Variants in NAALADL2 observed in about 807,000 individuals in gnomAD.
NAALADL2 encodes inactive N-acetylated-alpha-linked acidic dipeptidase-like protein 2.
Under a neutral mutation model 87.2 loss-of-function variants are expected in NAALADL2, and 76 were observed. The ratio of observed to expected loss-of-function variants is 0.87; its 90% CI spans 0.72 to 1.05. The LOEUF (loss-of-function observed/expected upper bound fraction) is 1.05, where lower values mean the gene tolerates loss of function less well. Among genes scored for constraint, NAALADL2 ranks in the 50% least tolerant of loss-of-function variants. The pLI, the probability that NAALADL2 is intolerant of heterozygous loss-of-function variation, is 0.00. For missense variants in NAALADL2, 1,089 were observed against 945.8 expected (o/e 1.15, Z -1.99); for synonymous variants, 354 against 331.0 (o/e 1.07, Z -0.75).
intron 11 of NAALADL2, among the ~76,000 whole-genome samples, chr3:175,736,136 G>A (rs142547711): frequency 1.1e-3 from 168 of 152,302 alleles, no homozygotes; most frequent in Admixed American, 2.3e-3. Context: ...TTTGAGATGT[G>A]TATGAATGCA....
chr3:175,410,585 G>A (rs987428344), intron 5 of NAALADL2, among the ~76,000 whole-genome samples: 3 of 132,602 alleles, frequency 2.3e-5, no homozygotes, highest in African/African-American at 8.6e-5. Context: ...CTCTTACAGA[G>A]CTTCTAGTCT....
At chr3:175,687,429 T>C (rs1736444283) in intron 11 of NAALADL2, among the ~76,000 whole-genome samples, 2 of 152,116 alleles carry the variant, frequency 1.3e-5, no homozygotes, top group Admixed American at 1.3e-4. Context: ...ATGCATAGCT[T>C]TATGAGTAGA....
intron 1 of NAALADL2, among the ~76,000 whole-genome samples, chr3:174,524,575 G>A (rs567859723): frequency 3.3e-5 from 5 of 152,014 alleles, no homozygotes; most frequent in African/African-American, 9.6e-5. Flanking sequence ...GACAGAGTCC[G>A]GCTCTGTTGT....
At chr3:174,524,487 C>T (rs6792617) in intron 1 of NAALADL2, among the ~76,000 whole-genome samples, 6,498 of 152,160 alleles carry the variant, frequency 0.043, 450 homozygotes, top group African/African-American at 0.15. Flanking sequence ...TGTCTTAATA[C>T]ACCTTATGTA....
intron 10 of NAALADL2, among the ~76,000 whole-genome samples, chr3:175,625,693 A>G (rs9846894): frequency 0.74 from 112,919 of 151,772 alleles, 42,603 homozygotes; most frequent in East Asian, 0.88. Context: ...CCGTAGCCTC[A>G]AATAAACCTG....
At chr3:175,778,884 T>C (rs1750629953) in intron 13 of NAALADL2, among the ~76,000 whole-genome samples, 1 of 152,206 alleles carries the variant, frequency 6.6e-6, no homozygotes. Flanking sequence ...GAATTAAATT[T>C]ACCTAAGGCA....
At chr3:174,494,341 A>C (rs950383533) in intron 1 of NAALADL2, among the ~76,000 whole-genome samples, 1 of 152,122 alleles carries the variant, frequency 6.6e-6, no homozygotes, top group Non-Finnish European at 1.5e-5. Flanking sequence ...CATATTAAGG[A>C]AAAACTGTAA....
intron 2 of NAALADL2, chr3:175,218,101 T>C: frequency 4.5e-6 from 2 of 444,086 alleles, no homozygotes; most frequent in South Asian, 3.3e-5. Context: ...ACTGGATGAA[T>C]GGTGTGGCTT....
rs763089218 is a variant in NAALADL2 at position 175,466,998 on chromosome 3, C to A, written c.1347C>A (p.Gly449=). The A allele has an allele frequency of 5.6e-6, 9 of 1,613,078 alleles. No individual in the cohort carries two copies. The highest frequency in any genetic ancestry group is 6.8e-6 in the Non-Finnish European group (8 of 1,179,142). ...LTSPDRYIIV[G]SHHHTAHSYN... ...TTTCAGACCGGTATATCATAGTTGG[C>A]AGCCATCATCACACTGCACACAGTT... Residue 449 remains glycine, a synonymous_variant, in exon 8 of 14, where the codon GGC becomes GGA. Coordinates refer to ENST00000454872, the MANE Select transcript of NAALADL2 (RefSeq NM_207015.3).
intron 1 of NAALADL2, among the ~76,000 whole-genome samples, chr3:174,883,517 G>A (rs1271533348): frequency 1.3e-5 from 2 of 152,192 alleles, no homozygotes; most frequent in Non-Finnish European, 2.9e-5. Context: ...AAATGCTGAT[G>A]TGAAGTCAAT....
intron 1 of NAALADL2, among the ~76,000 whole-genome samples, chr3:174,960,107 A>G (rs1490351287): frequency 1.3e-5 from 2 of 152,008 alleles, no homozygotes; most frequent in Admixed American, 6.6e-5. Flanking sequence ...AACAAGGTCT[A>G]TTAGAAATGG....
chr3:175,807,027 G>A lies in NAALADL2; in HGVS notation c.*3824G>A, dbSNP rs1005875447. ...GATGGTAGCCCACTCCAACAAAGGCGTATATATGTAGGCAAGTTTGAAGAT... is the reference window on the plus strand; with the variant it reads ...GATGGTAGCCCACTCCAACAAAGGCATATATATGTAGGCAAGTTTGAAGAT... On this transcript the variant is annotated 3_prime_UTR_variant, in exon 14 of 14. Transcript: ENST00000454872. The A allele has an allele frequency of 3.3e-5, 5 of 151,698 alleles. No individual in the cohort carries two copies. Among genetic ancestry groups the A allele is most frequent in the Non-Finnish European group, 5.9e-5 (4 of 67,830 alleles). 9.4% of individuals were successfully genotyped at this position (151,698 alleles called of 1,614,324 possible). A position where few individuals can be genotyped will look rare whatever the true frequency, so the allele number is the denominator to read the frequency against.
At chr3:175,516,377 A>G (rs1731833287) in intron 9 of NAALADL2, among the ~76,000 whole-genome samples, 1 of 152,186 alleles carries the variant, frequency 6.6e-6, no homozygotes, top group Non-Finnish European at 1.5e-5. Context: ...AGTTGACATC[A>G]AGCTTTAGTG....
chr3:175,397,650 T>C (rs566461658), intron 5 of NAALADL2, among the ~76,000 whole-genome samples: 1 of 152,174 alleles, frequency 6.6e-6, no homozygotes, highest in Admixed American at 6.5e-5. Flanking sequence ...GAAGCGAGTG[T>C]GATTTCTGGA....
At chr3:175,610,325 T>G (rs983316990) in intron 10 of NAALADL2, among the ~76,000 whole-genome samples, 1 of 152,164 alleles carries the variant, frequency 6.6e-6, no homozygotes, top group Non-Finnish European at 1.5e-5. Context: ...TCTCTCTTCT[T>G]TTTTGTTTAT....
At chr3:174,830,718 A>G (rs1388812034) in intron 3 of NAALADL2, among the ~76,000 whole-genome samples, 1 of 152,080 alleles carries the variant, frequency 6.6e-6, no homozygotes, top group African/African-American at 2.4e-5. Flanking sequence ...TTTTCACGAT[A>G]TTGATTCTTC....
intron 4 of NAALADL2, among the ~76,000 whole-genome samples, chr3:175,322,770 A>G (rs1487845062): frequency 6.7e-6 from 1 of 148,236 alleles, no homozygotes; most frequent in East Asian, 2.0e-4. Flanking sequence ...GAGAAATGCA[A>G]ATCAAAACCA....
intron 2 of NAALADL2, among the ~76,000 whole-genome samples, chr3:175,119,770 T>G (rs964296742): frequency 1.4e-5 from 2 of 141,192 alleles, no homozygotes. Context: ...AAACTATATA[T>G]AGATATATAT....
intron 2 of NAALADL2, among the ~76,000 whole-genome samples, chr3:175,138,437 C>A (rs185505617): frequency 1.3e-5 from 2 of 152,048 alleles, no homozygotes; most frequent in East Asian, 3.9e-4. Flanking sequence ...ATTCATAACA[C>A]CCCAACAGGG....
Sources: gnomAD v4.1 joint callset for allele counts (sites outside exome capture counted in the v4.1 genomes callset) on GRCh38, gnomAD v4.1.1 for gene constraint, MANE v1.5 for transcripts, NCBI Gene and HGNC (gene_info 2026-07-23, HGNC 2026-07-21) for gene names.